Variants in RXRA observed in about 807,000 individuals in gnomAD.
The protein encoded by RXRA is retinoic acid receptor RXR-alpha.
Under a neutral mutation model 44.5 loss-of-function variants are expected in RXRA, and 5 were observed. That is an observed-to-expected ratio of 0.11 (90% CI 0.06 to 0.24). The LOEUF (loss-of-function observed/expected upper bound fraction) is 0.24, where lower values mean the gene tolerates loss of function less well. Among genes scored for constraint, RXRA ranks in the 10% least tolerant of loss-of-function variants. RXRA has a pLI of 1.00. For missense variants in RXRA, 412 were observed against 646.5 expected (o/e 0.64, Z 3.93); for synonymous variants, 291 against 271.4 (o/e 1.07, Z -0.71).
intron 2 of RXRA, chr9:134,404,941 G>T (rs1350028427): frequency 1.3e-5 from 2 of 152,440 alleles, no homozygotes; most frequent in African/African-American, 2.4e-5. Flanking sequence ...ACTGAAATAA[G>T]TGCCAAGGAT....
chr9:134,422,986 G>A lies in RXRA; in HGVS notation c.910+1181G>A, dbSNP rs34514627. 1.0e-5 allele frequency: 10 copies of A among 985,456 alleles called. No homozygotes were observed. In the East Asian group the frequency reaches 5.7e-4, roughly 56 times the overall value. The allele number at this position is 985,456 out of a possible 1,614,324, so 61.0% of individuals were successfully genotyped here. A position where few individuals can be genotyped will look rare whatever the true frequency, so the allele number is the denominator to read the frequency against. ...CACTGCACAGAAATGCCTGCTCCAC[G>A]CGCATCACACTCCCCGTGATGCCAT... is the stretch of plus-strand genomic sequence containing the variant. On this transcript the variant is annotated intron_variant, in intron 6 of 9. Transcript: ENST00000481739.
chr9:134,363,110 CG>C (rs1038622744), intron 1 of RXRA, among the ~76,000 whole-genome samples: 2 of 152,186 alleles, frequency 1.3e-5, no homozygotes, highest in Non-Finnish European at 2.9e-5. Context: ...TCACTTTCCC[CG>C]GGGGCTGTTG....
chr9:134,348,220 T>C (rs1170282569), intron 1 of RXRA, among the ~76,000 whole-genome samples: 1 of 152,122 alleles, frequency 6.6e-6, no homozygotes, highest in Non-Finnish European at 1.5e-5. Context: ...GCAGTGTGCA[T>C]TGAATGCCAG....
intron 6 of RXRA, chr9:134,422,112 CTACCT>C: frequency 7.5e-7 from 1 of 1,340,902 alleles, no homozygotes; most frequent in Non-Finnish European, 9.8e-7. Flanking sequence ...GGACACACTT[CTACCT>C]CCCGGGACAC....
chr9:134,434,017 G>A, intron 8 of RXRA, 85 bp from the exon 9 acceptor site: 1 of 962,766 alleles, frequency 1.0e-6, no homozygotes, highest in South Asian at 1.4e-5. Context: ...CAGCCTGGGA[G>A]ACCCCACACA....
chr9:134,379,574 C>G, intron 1 of RXRA: 2 of 985,444 alleles, frequency 2.0e-6, no homozygotes, highest in South Asian at 9.4e-5. Context: ...GGGGCTTGCT[C>G]CAGGCCTTGG....
Position 134,426,661 on chromosome 9 carries a change from A to G in RXRA, c.911-2447A>G. The G allele has an allele frequency of 1.0e-6, 1 of 985,288 alleles. No individual in the cohort carries two copies. Among genetic ancestry groups the G allele is most frequent in the Non-Finnish European group, 1.2e-6 (1 of 829,886 alleles). The allele number at this position is 985,288 out of a possible 1,614,324, so 61.0% of individuals were successfully genotyped here. The stretch of plus-strand genomic sequence containing the variant: ...ACACCAGAGTTTCAGAGGCGAGTCT[A>G]CCCTGGTGCCTGCTGGGTGGCCTCA... On this transcript the variant is annotated intron_variant, in intron 6 of 9. Transcript: ENST00000481739. This position sits in a 1 kb window ranked among gnomAD's most constrained non-coding sequence, Gnocchi z 4.6.
chr9:134,330,741 C>T (rs1436256466), intron 1 of RXRA, among the ~76,000 whole-genome samples: 1 of 152,228 alleles, frequency 6.6e-6, no homozygotes, highest in Non-Finnish European at 1.5e-5. Flanking sequence ...GGCGGGTGGT[C>T]AGGCCACCTG....
intron 1 of RXRA, among the ~76,000 whole-genome samples, chr9:134,361,877 G>GT (rs1830356569): frequency 6.6e-6 from 1 of 152,188 alleles, no homozygotes; most frequent in Non-Finnish European, 1.5e-5. Context: ...GGTCCTCAGG[G>GT]TCCCCATCTG....
At chr9:134,423,258 C>A (rs79336626) in intron 6 of RXRA, 6 of 985,322 alleles carry the variant, frequency 6.1e-6, no homozygotes, top group Non-Finnish European at 7.2e-6. Flanking sequence ...CACTGCCCGA[C>A]GATGGTGCTG....
chr9:134,356,946 G>A (rs1225775776), intron 1 of RXRA, among the ~76,000 whole-genome samples: 1 of 152,208 alleles, frequency 6.6e-6, no homozygotes, highest in Non-Finnish European at 1.5e-5. Context: ...AGCCCTGGAG[G>A]TGGCCCAAGG....
At chr9:134,434,258 A>G in intron 9 of RXRA, 51 bp downstream of exon 9, 2 of 1,386,746 alleles carry the variant, frequency 1.4e-6, no homozygotes, top group Non-Finnish European at 2.0e-6. Context: ...TCTTGTCTCC[A>G]GAGCCCCCAC....
chr9:134,431,160 C>G (rs1187869187), intron 7 of RXRA, among the ~76,000 whole-genome samples: 1 of 152,252 alleles, frequency 6.6e-6, no homozygotes, highest in Non-Finnish European at 1.5e-5. Flanking sequence ...TGTGGCCCAC[C>G]CTTACTTCCT....
intron 1 of RXRA, among the ~76,000 whole-genome samples, chr9:134,338,725 C>T (rs11185651): frequency 0.38 from 57,514 of 152,122 alleles, 12,136 homozygotes; most frequent in African/African-American, 0.57. Flanking sequence ...GCCCCTCTCC[C>T]TGCAGCCGGC....
chr9:134,436,806 C>T lies in RXRA; in HGVS notation c.*192C>T. 1 of 655,618 alleles carries T rather than the reference C, an allele frequency of 1.5e-6. No individual in the cohort carries two copies. Among genetic ancestry groups the T allele is most frequent in the South Asian group, 2.0e-5 (1 of 50,586 alleles). 40.6% of individuals were successfully genotyped at this position (655,618 alleles called of 1,614,324 possible). On this transcript the variant is annotated 3_prime_UTR_variant, in exon 10 of 10. Transcript: ENST00000481739. Reference sequence around the variant, plus strand: ...ATTTCTGTTACTACTTGTCTGTGGCCCAGGGCAGTGGCTTTCCTGAGGCAG... The same window carrying T: ...ATTTCTGTTACTACTTGTCTGTGGCTCAGGGCAGTGGCTTTCCTGAGGCAG...
intron 1 of RXRA, among the ~76,000 whole-genome samples, chr9:134,381,483 G>A (rs1017854724): frequency 5.9e-5 from 9 of 152,108 alleles, no homozygotes; most frequent in Non-Finnish European, 8.8e-5. Flanking sequence ...GTAGGAAGAC[G>A]CAGAGGGAAT....
intron 1 of RXRA, among the ~76,000 whole-genome samples, chr9:134,360,211 C>T (rs1235012400): frequency 2.6e-5 from 4 of 152,210 alleles, no homozygotes; most frequent in Non-Finnish European, 5.9e-5. Flanking sequence ...TCCTCAGTAG[C>T]CTCGGTGGGG....
intron 1 of RXRA, among the ~76,000 whole-genome samples, chr9:134,386,697 C>T (rs966951124): frequency 6.6e-6 from 1 of 151,782 alleles, no homozygotes; most frequent in Non-Finnish European, 1.5e-5. Flanking sequence ...GTCTGCCAGA[C>T]CCTGCAGCCC....
chr9:134,435,385 C>G (rs1290373020), intron 9 of RXRA, among the ~76,000 whole-genome samples: 1 of 148,514 alleles, frequency 6.7e-6, no homozygotes, highest in African/African-American at 2.5e-5. Flanking sequence ...AGACTTCCCC[C>G]CTCCCTCCCG....
Sources: allele counts gnomAD v4.1 joint callset (sites outside exome capture counted in the v4.1 genomes callset), GRCh38; gene constraint gnomAD v4.1.1; non-coding constraint Gnocchi (gnomAD v3.1); transcripts MANE v1.5; gene names NCBI Gene and HGNC (gene_info 2026-07-23, HGNC 2026-07-21).